The following SBNO2 variants were observed in gnomAD, a reference collection of about 807,000 sequenced individuals.
SBNO2 encodes protein strawberry notch homolog 2.
Under a neutral mutation model 146.3 loss-of-function variants are expected in SBNO2, and 89 were observed. The ratio of observed to expected loss-of-function variants is 0.61; its 90% CI spans 0.51 to 0.73. SBNO2 has a LOEUF of 0.73. Among genes scored for constraint, SBNO2 ranks in the 30% least tolerant of loss-of-function variants. The probability of loss-of-function intolerance (pLI) is 0.00; values close to 1 mark genes in which losing one functional copy is unlikely to be tolerated. For missense variants in SBNO2, 2,092 were observed against 2,003.7 expected (o/e 1.04, Z -0.84); for synonymous variants, 1,147 against 892.6 (o/e 1.29, Z -5.08).
intron 11 of SBNO2, among the ~76,000 whole-genome samples, chr19:1,121,358 T>A (rs1404448834): frequency 6.6e-6 from 1 of 152,194 alleles, no homozygotes; most frequent in Non-Finnish European, 1.5e-5. Context: ...CATAGATTGT[T>A]CAGCCGGGTG....
chr19:1,157,573 G>A lies in SBNO2; in HGVS notation c.-126-3171C>T, dbSNP rs1005269621. On this transcript the variant is annotated intron_variant, in intron 1 of 31. Coordinates refer to ENST00000361757, the MANE Select transcript of SBNO2 (RefSeq NM_014963.3). The surrounding 1 kb of genome is among the most constrained non-coding windows in gnomAD (Gnocchi z 6.8). Reference sequence around the variant, plus strand: ...GGAGGGATGCGTGGTGTGGGGGTTGGGGGGGCGGGGGTCACACGGTTCCCA... The same window carrying A: ...GGAGGGATGCGTGGTGTGGGGGTTGAGGGGGCGGGGGTCACACGGTTCCCA... Among the ~76,000 whole-genome samples, 1 of 152,148 alleles carries A rather than the reference G, an allele frequency of 6.6e-6. No homozygotes were observed. The highest frequency in any genetic ancestry group is 1.5e-5 in the Non-Finnish European group (1 of 68,004).
At chr19:1,141,864 C>A (rs1462754068) in intron 4 of SBNO2, among the ~76,000 whole-genome samples, 1 of 152,102 alleles carries the variant, frequency 6.6e-6, no homozygotes, top group East Asian at 1.9e-4. Flanking sequence ...CTCAAACAAT[C>A]CTCCCGCCTT....
intron 3 of SBNO2, 130 bp from the exon 4 acceptor site, chr19:1,147,550 G>T: frequency 1.8e-6 from 1 of 544,458 alleles, no homozygotes; most frequent in East Asian, 3.4e-5. Flanking sequence ...AGCCCGGCAG[G>T]ACCCATGGCC....
chr19:1,166,118 C>T (rs1327976470), intron 1 of SBNO2, among the ~76,000 whole-genome samples: 2 of 111,142 alleles, frequency 1.8e-5, no homozygotes, highest in East Asian at 5.6e-4. Context: ...ATCTCAGACC[C>T]CAGATCCCAG....
chr19:1,147,086 C>G (rs575869352), intron 4 of SBNO2, among the ~76,000 whole-genome samples: 1 of 152,092 alleles, frequency 6.6e-6, no homozygotes, highest in Non-Finnish European at 1.5e-5. Context: ...AAGGGCTGGG[C>G]GGGGCTCACT....
chr19:1,166,291 C>T (rs1337107925), intron 1 of SBNO2, among the ~76,000 whole-genome samples: 1 of 150,818 alleles, frequency 6.6e-6, no homozygotes, highest in Non-Finnish European at 1.5e-5. Flanking sequence ...AAGGAGATTC[C>T]ACGACACAAA....
At chr19:1,128,554 A>C (rs1308640498) in intron 4 of SBNO2, among the ~76,000 whole-genome samples, 1 of 151,854 alleles carries the variant, frequency 6.6e-6, no homozygotes, top group South Asian at 2.1e-4. Context: ...CACCACGCCC[A>C]GCTAATTTTT....
Position 1,116,814 on chromosome 19 carries a change from C to A in SBNO2, c.1802+15G>T. On this transcript the variant is annotated intron_variant, in intron 16 of 31. Transcript: ENST00000361757. ...CGCAGGAAGCCCACAGTCCTGTCCC[C>A]ACCGTGACACTTACTCAGCGGCCGA... 6.4e-7 allele frequency: 1 copy of A among 1,570,772 alleles called. No homozygotes were observed.
chr19:1,167,354 G>T (rs1165685894), intron 1 of SBNO2, among the ~76,000 whole-genome samples: 1 of 152,268 alleles, frequency 6.6e-6, no homozygotes, highest in Non-Finnish European at 1.5e-5. Flanking sequence ...AGGTGGGCTG[G>T]CTGCTCCACG....
chr19:1,143,554 G>C (rs562870561), intron 4 of SBNO2, among the ~76,000 whole-genome samples: 1 of 152,336 alleles, frequency 6.6e-6, no homozygotes, highest in African/African-American at 2.4e-5. Flanking sequence ...GTAACATCAA[G>C]GGTGGGCAGG....
intron 11 of SBNO2, among the ~76,000 whole-genome samples, chr19:1,121,489 C>T (rs1456136325): frequency 1.3e-5 from 2 of 152,208 alleles, no homozygotes; most frequent in Non-Finnish European, 2.9e-5. Context: ...TGCAGGCCAA[C>T]GTCCCTCCCT....
chr19:1,143,674 A>C (rs868498748), intron 4 of SBNO2, among the ~76,000 whole-genome samples: 1 of 152,032 alleles, frequency 6.6e-6, no homozygotes, highest in South Asian at 2.1e-4. Flanking sequence ...TCACGGCCAG[A>C]GCGCAGGCTC....
rs1568556207 is a variant in SBNO2 at position 1,112,410 on chromosome 19, T to G, written c.2507A>C (p.Gln836Pro). The change falls in exon 21 of 32, where the codon CAG becomes CCG. Residue 836 changes from glutamine (Q) to proline (P), a missense_variant. Gln to Pro is a moderately conservative substitution (Grantham distance 76). Transcript: ENST00000361757. The surrounding 1 kb of genome is among the most constrained non-coding windows in gnomAD (Gnocchi z 5.9). Reference sequence around the variant, plus strand: ...GGCGGGGCCGGACTCACCGAACTGCTGGATGGCGCGGTCGGCGCTCCACGG... The same window carrying G: ...GGCGGGGCCGGACTCACCGAACTGCGGGATGGCGCGGTCGGCGCTCCACGG... ...ELPWSADRAI[Q>P]QFGRTHRSNQ... 2 of 1,603,266 alleles carry G rather than the reference T, an allele frequency of 1.2e-6. No individual in the cohort carries two copies. Among genetic ancestry groups the G allele is most frequent in the Non-Finnish European group, 1.7e-6 (2 of 1,177,580 alleles).
Position 1,110,811 on chromosome 19 carries a change from A to AG in SBNO2, c.2961dup (p.Ser988LeufsTer78). On this transcript the variant is annotated frameshift_variant, in exon 26 of 32. Transcript: ENST00000361757. LOFTEE classifies it high-confidence loss of function. This position sits in a 1 kb window ranked among gnomAD's most constrained non-coding sequence, Gnocchi z 4.9. ...TCGATGAGGTGGTCGAAGGTGTCTG[A>AG]GAAGTACTGGAACAGGGCGTTCTGC... is the stretch of plus-strand genomic sequence containing the variant. 1 of 1,613,592 alleles carries AG rather than the reference A, an allele frequency of 6.2e-7. No individual in the cohort carries two copies. Among genetic ancestry groups the AG allele is most frequent in the Non-Finnish European group, 8.5e-7 (1 of 1,179,724 alleles).
At chr19:1,132,291 C>T (rs1243842890) in intron 4 of SBNO2, 1 of 1,312,612 alleles carries the variant, frequency 7.6e-7, no homozygotes, top group African/African-American at 1.5e-5. Flanking sequence ...GTCACCGCCG[C>T]CGGCGCCTAC....
At chr19:1,132,662 C>A (rs2080044245) in intron 4 of SBNO2, among the ~76,000 whole-genome samples, 1 of 151,974 alleles carries the variant, frequency 6.6e-6, no homozygotes, top group Admixed American at 6.5e-5. Context: ...CCCTGCTGCG[C>A]CCCCCTGGGG....
rs376339298 is a variant in SBNO2 at position 1,147,376 on chromosome 19, G to A, written c.212C>T (p.Pro71Leu). The change falls in exon 4 of 32, where the codon CCA becomes CTA. Residue 71 changes from proline to leucine, a missense_variant. Coordinates refer to ENST00000361757, the MANE Select transcript of SBNO2 (RefSeq NM_014963.3). ...GGCCACGGGGGCATAGCTGGTGTCT[G>A]GGCAGGGCTGGCTGCCGAGGAAGGA... Reference protein sequence around the residue: ...SASFLGSQPCPDTSYAPVATA... With the variant: ...SASFLGSQPCLDTSYAPVATA... 7.8e-6 allele frequency: 12 copies of A among 1,541,764 alleles called. No individual in the cohort carries two copies. In the African/African-American group the frequency reaches 1.3e-4, roughly 17 times the overall value.
chr19:1,134,206 A>ACTCACAGCTCACG (rs1568598698), intron 4 of SBNO2, among the ~76,000 whole-genome samples: 24 of 123,172 alleles, frequency 1.9e-4, no homozygotes, highest in Admixed American at 3.8e-4. Flanking sequence ...CACAGCTCAC[A>ACTCACAGCTCACG]GGTGGACCCA....
rs1029959240 is a variant in SBNO2 at position 1,108,559 on chromosome 19, T to G, written c.3762A>C (p.Gly1254=). Reference sequence around the variant, plus strand: ...GGCTGTAGGTGAGGTCCAGCACCTCTCCGGGGCCGCAAGGCAGCGCCAGCG... The same window carrying G: ...GGCTGTAGGTGAGGTCCAGCACCTCGCCGGGGCCGCAAGGCAGCGCCAGCG... ...PRPLALPCGP[G]EVLDLTYSPP... The change falls in exon 32 of 32, where the codon GGA becomes GGC. Residue 1254 remains glycine, a synonymous_variant. Transcript: ENST00000361757. The G allele has an allele frequency of 5.1e-4, 626 of 1,217,274 alleles. No individual in the cohort carries two copies. Among genetic ancestry groups the G allele is most frequent in the Middle Eastern group, 4.9e-3 (15 of 3,032 alleles). The allele number at this position is 1,217,274 out of a possible 1,614,324, so 75.4% of individuals were successfully genotyped here. A position where few individuals can be genotyped will look rare whatever the true frequency, so the allele number is the denominator to read the frequency against.
Sources: allele counts gnomAD v4.1 joint callset (sites outside exome capture counted in the v4.1 genomes callset), GRCh38; gene constraint gnomAD v4.1.1; non-coding constraint Gnocchi (gnomAD v3.1); transcripts MANE v1.5; gene names NCBI Gene and HGNC (gene_info 2026-07-23, HGNC 2026-07-21).